KLF12: variants seen among roughly 807,000 people sequenced by gnomAD.
The protein encoded by KLF12 is KLF transcription factor 12, also known as Krueppel-like factor 12.
Under a neutral mutation model 37.8 loss-of-function variants are expected in KLF12, and 9 were observed. That is an observed-to-expected ratio of 0.24 (90% confidence interval 0.14 to 0.42). The LOEUF is 0.42. Among genes scored for constraint, KLF12 ranks in the 10% least tolerant of loss-of-function variants. The pLI, the probability that KLF12 is intolerant of heterozygous loss-of-function variation, is 1.00. For synonymous variants in KLF12, 208 were observed against 202.1 expected, an observed-to-expected ratio of 1.03 and a Z score of -0.25; for missense variants, 411 against 516.0, an observed-to-expected ratio of 0.80 and a Z score of 1.97.
chr13:74,167,119 A>G, the KLF12 span, among the ~76,000 whole-genome samples: 10 of 152,180 alleles, frequency 6.6e-5, no homozygotes, highest in African/African-American at 2.4e-4. Flanking sequence ...TTTTACATTC[A>G]CACACTTTGA....
At position 73,748,677 on chromosome 13, in the gene KLF12, T is replaced by A. The variant is rs376851255; in HGVS notation, c.869+16261A>T. Among the ~76,000 whole-genome samples the A allele has an allele frequency of 3.2e-4, 48 of 152,280 alleles. 2 individuals carry two copies. In the South Asian group the frequency reaches 9.7e-3, roughly 31 times the overall value. On this transcript the variant is annotated intron_variant, in intron 6 of 7. Coordinates refer to ENST00000377669, the MANE Select transcript of KLF12 (RefSeq NM_007249.5). ...GGTTTTAGCCACACAATCTATGGTATTTTTTTAATGGCAGGCCAAGTTATG... is the reference window on the plus strand; with the variant it reads ...GGTTTTAGCCACACAATCTATGGTAATTTTTTAATGGCAGGCCAAGTTATG...
chr13:73,827,151 T>C (rs905505533), intron 4 of KLF12, among the ~76,000 whole-genome samples: 1 of 152,240 alleles, frequency 6.6e-6, no homozygotes, highest in African/African-American at 2.4e-5. Flanking sequence ...TACTCTTTCA[T>C]TTAATAGTAA....
At chr13:73,869,545 G>A (rs1315602247) in intron 3 of KLF12, among the ~76,000 whole-genome samples, 1 of 151,680 alleles carries the variant, frequency 6.6e-6, no homozygotes, top group Non-Finnish European at 1.5e-5. Context: ...GACATATCTG[G>A]CCCAGTCCCC....
intron 3 of KLF12, among the ~76,000 whole-genome samples, chr13:73,928,288 T>C (rs76183230): frequency 6.6e-6 from 1 of 152,344 alleles, no homozygotes; most frequent in Non-Finnish European, 1.5e-5. Flanking sequence ...GGTTAAGTGT[T>C]AGAAGTTCTA....
chr13:74,172,142 G>GACACACACACACTCAC, the KLF12 span, among the ~76,000 whole-genome samples: 1 of 146,074 alleles, frequency 6.8e-6, no homozygotes, highest in African/African-American at 2.5e-5. Context: ...TTTTCCTCAC[G>GACACACACACACTCAC]ACACACACAC....
chr13:73,762,347 A>G (rs1879620334), intron 6 of KLF12, among the ~76,000 whole-genome samples: 1 of 152,228 alleles, frequency 6.6e-6, no homozygotes, highest in Admixed American at 6.5e-5. Flanking sequence ...TCTCGTAACA[A>G]TATCATGCAA....
At chr13:74,208,505 T>C in the KLF12 span, among the ~76,000 whole-genome samples, 1 of 152,204 alleles carries the variant, frequency 6.6e-6, no homozygotes, top group Non-Finnish European at 1.5e-5. Flanking sequence ...TTGGAAATGA[T>C]ATTATAATAG....
rs60905704 is a variant in KLF12 at position 73,760,328 on chromosome 13, T to C, written c.869+4610A>G. Among the ~76,000 whole-genome samples, 1,517 of 152,184 alleles carry C rather than the reference T, an allele frequency of 1.0e-2. 25 individuals carry two copies. The highest frequency in any genetic ancestry group is 0.035 in the African/African-American group (1,434 of 41,510). ...TATTTTACTAATGACAATTCCTACA[T>C]ATATAGTTTTTTCACAGAGTCTTGC... is the stretch of plus-strand genomic sequence containing the variant. On this transcript the variant is annotated intron_variant, in intron 6 of 7. Coordinates refer to ENST00000377669, the MANE Select transcript of KLF12 (RefSeq NM_007249.5).
At chr13:74,012,249 G>A (rs1298823189) in intron 1 of KLF12, among the ~76,000 whole-genome samples, 1 of 152,102 alleles carries the variant, frequency 6.6e-6, no homozygotes, top group Non-Finnish European at 1.5e-5. Context: ...ATTCTACAAA[G>A]TGATCCCAAA....
At chr13:73,713,577 T>TA (rs377749231) in intron 7 of KLF12, among the ~76,000 whole-genome samples, 213 of 152,362 alleles carry the variant, frequency 1.4e-3, no homozygotes, top group African/African-American at 4.7e-3. Context: ...TTCTGACCCT[T>TA]AGAGTCTGTG....
chr13:73,876,397 A>T (rs966804056), intron 3 of KLF12, among the ~76,000 whole-genome samples: 3 of 152,182 alleles, frequency 2.0e-5, no homozygotes. Context: ...CTCTTCCCTT[A>T]AAAGACTCCT....
At chr13:74,247,152 C>A in the KLF12 span, among the ~76,000 whole-genome samples, 17 of 152,016 alleles carry the variant, frequency 1.1e-4, no homozygotes, top group Admixed American at 2.0e-4. Flanking sequence ...GCAGAGAAAA[C>A]AATATCTTTG....
chr13:73,867,283 G>A (rs146747581), intron 3 of KLF12, among the ~76,000 whole-genome samples: 2 of 151,964 alleles, frequency 1.3e-5, no homozygotes, highest in African/African-American at 4.8e-5. Context: ...GGTTGGTACA[G>A]TTATAGTCAT....
chr13:74,177,474 T>C, the KLF12 span, among the ~76,000 whole-genome samples: 4 of 152,028 alleles, frequency 2.6e-5, no homozygotes, highest in East Asian at 5.8e-4. Flanking sequence ...AGGACGACGG[T>C]GATGGAAGGT....
intron 3 of KLF12, among the ~76,000 whole-genome samples, chr13:73,860,881 C>T (rs1394449685): frequency 6.6e-6 from 1 of 152,018 alleles, no homozygotes; most frequent in Non-Finnish European, 1.5e-5. Context: ...TATTTAATTC[C>T]TCCCACTACA....
chr13:73,727,863 A>G (rs1174624054), intron 6 of KLF12, among the ~76,000 whole-genome samples: 1 of 151,936 alleles, frequency 6.6e-6, no homozygotes, highest in East Asian at 1.9e-4. Flanking sequence ...ATGCCTGGCT[A>G]ATTTTTGTAT....
chr13:73,717,483 T>G (rs1875904094), intron 6 of KLF12, among the ~76,000 whole-genome samples: 1 of 152,198 alleles, frequency 6.6e-6, no homozygotes, highest in Non-Finnish European at 1.5e-5. Flanking sequence ...TCCAGTGAAT[T>G]TTTTCTGAAA....
At chr13:74,143,606 A>G in the KLF12 span, among the ~76,000 whole-genome samples, 1 of 152,158 alleles carries the variant, frequency 6.6e-6, no homozygotes, top group Admixed American at 6.6e-5. Context: ...GCAAGTTGCA[A>G]AACTCACAAG....
At chr13:73,876,937 T>C (rs1293689295) in intron 3 of KLF12, among the ~76,000 whole-genome samples, 1 of 150,392 alleles carries the variant, frequency 6.6e-6, no homozygotes, top group Non-Finnish European at 1.5e-5. Context: ...ATCACTTGAA[T>C]CCGGGAGGCA....
Sources: allele counts gnomAD v4.1 joint callset (sites outside exome capture counted in the v4.1 genomes callset), GRCh38; gene constraint gnomAD v4.1.1; transcripts MANE v1.5; gene names NCBI Gene and HGNC (gene_info 2026-07-23, HGNC 2026-07-21).